Variants in EXOC5 observed in about 807,000 individuals in gnomAD.
EXOC5 encodes SEC10-like 1.
Under a neutral mutation model 90.8 loss-of-function variants are expected in EXOC5, and 17 were observed. That is an observed-to-expected ratio of 0.19 (90% confidence interval 0.13 to 0.28). EXOC5 has a LOEUF of 0.28. Among genes scored for constraint, EXOC5 ranks in the 10% least tolerant of loss-of-function variants. The pLI, the probability that EXOC5 is intolerant of heterozygous loss-of-function variation, is 1.00. For synonymous variants in EXOC5, 260 were observed against 270.0 expected (o/e 0.96, Z 0.36); for missense variants, 569 against 830.6 (o/e 0.69, Z 3.87).
intron 15 of EXOC5, among the ~76,000 whole-genome samples, chr14:57,212,923 C>T (rs1005136833): frequency 5.3e-5 from 8 of 152,140 alleles, no homozygotes; most frequent in African/African-American, 1.9e-4. Flanking sequence ...TCACTTTTAA[C>T]TTTATGCAGT....
chr14:57,235,831 A>C lies in EXOC5; in HGVS notation c.560-11T>G, dbSNP rs764567579. ...AATCATGGTATTTACCTAAAAATAA[A>C]GTCATTCAGCTACACTGAGGCATAC... On this transcript the variant is annotated splice_polypyrimidine_tract_variant and intron_variant, in intron 6 of 17. Transcript: ENST00000621441. 7.0e-7 allele frequency: 1 copy of C among 1,422,600 alleles called. No individual in the cohort carries two copies. Among genetic ancestry groups the C allele is most frequent in the Non-Finnish European group, 9.7e-7 (1 of 1,028,396 alleles). The allele number at this position is 1,422,600 out of a possible 1,614,324, so 88.1% of individuals were successfully genotyped here. A position where few individuals can be genotyped will look rare whatever the true frequency, so the allele number is the denominator to read the frequency against.
intron 12 of EXOC5, among the ~76,000 whole-genome samples, chr14:57,223,521 C>T (rs1409660020): frequency 1.3e-5 from 2 of 151,932 alleles, no homozygotes; most frequent in Non-Finnish European, 2.9e-5. Flanking sequence ...AACCTTTACC[C>T]CTCCCTCATC....
chr14:57,227,395 T>G (rs1444061380), intron 12 of EXOC5, among the ~76,000 whole-genome samples: 1 of 152,228 alleles, frequency 6.6e-6, no homozygotes, highest in African/African-American at 2.4e-5. Context: ...AGTTTTCTAC[T>G]GTATGAAAAA....
intron 13 of EXOC5, among the ~76,000 whole-genome samples, chr14:57,220,764 C>A (rs1406983959): frequency 6.6e-6 from 1 of 152,100 alleles, no homozygotes. Context: ...TATGCCACTG[C>A]ACTCTGGCCT....
At chr14:57,264,001 T>C (rs187759887) in intron 1 of EXOC5, among the ~76,000 whole-genome samples, 47 of 152,210 alleles carry the variant, frequency 3.1e-4, no homozygotes, top group Middle Eastern at 6.8e-3. Flanking sequence ...TTCCTAATAA[T>C]CCCTGGAAAA....
chr14:57,214,494 T>C (rs751340816), intron 15 of EXOC5, among the ~76,000 whole-genome samples: 2 of 152,070 alleles, frequency 1.3e-5, no homozygotes, highest in Admixed American at 6.6e-5. Flanking sequence ...AGGGAACTTA[T>C]GAAGAATGGC....
chr14:57,264,314 A>T (rs536489088), intron 1 of EXOC5, among the ~76,000 whole-genome samples: 23 of 152,214 alleles, frequency 1.5e-4, no homozygotes, highest in Admixed American at 1.4e-3. Context: ...CTAATTGAAC[A>T]AGAGACATCA....
chr14:57,246,742 T>G lies in EXOC5; in HGVS notation c.239A>C (p.Lys80Thr). Residue 80 changes from lysine (K) to threonine (T), a missense_variant, in exon 3 of 18, where the codon AAG (lysine) becomes ACG (threonine). By Grantham distance (78) the Lys-to-Thr change is moderately conservative. Transcript: ENST00000621441. ...QCQKEAKEFA[K>T]KVQELQKSNQ... ...GCTTTTCTGCAGCTCTTGTACCTTC[T>G]TGGCAAATTCCTTGGCTTCTTTCTG... 6.2e-7 allele frequency: 1 copy of G among 1,611,322 alleles called. No individual in the cohort carries two copies. The highest frequency in any genetic ancestry group is 8.5e-7 in the Non-Finnish European group (1 of 1,179,528).
At chr14:57,225,820 T>C (rs907650333) in intron 12 of EXOC5, among the ~76,000 whole-genome samples, 2 of 152,160 alleles carry the variant, frequency 1.3e-5, no homozygotes, top group African/African-American at 2.4e-5. Flanking sequence ...CATCAATCAA[T>C]AGGTGTTATG....
chr14:57,209,735 A>T lies in EXOC5; in HGVS notation c.1770T>A (p.Ile590=). ...CATTCTTCCCATCCATGGAATTTTT[A>T]ATCTTCTCCACTTGTTTTCTTACGT... is the stretch of plus-strand genomic sequence containing the variant. ...CAYVRKQVEK[I]KNSMDGKNVD... The change falls in exon 17 of 18, where the codon ATT becomes ATA. Residue 590 remains isoleucine (I), a synonymous_variant. Coordinates refer to ENST00000621441, the MANE Select transcript of EXOC5 (RefSeq NM_006544.4). 6.2e-7 allele frequency: 1 copy of T among 1,612,764 alleles called. No individual in the cohort carries two copies. The highest frequency in any genetic ancestry group is 8.5e-7 in the Non-Finnish European group (1 of 1,179,308).
chr14:57,200,733 G>C lies in EXOC5; in HGVS notation c.*7876C>G, dbSNP rs1032614569. The C allele has an allele frequency of 2.1e-5, 3 of 142,032 alleles. No homozygotes were observed. The highest frequency in any genetic ancestry group is 4.5e-5 in the Non-Finnish European group (3 of 66,436). 8.8% of individuals were successfully genotyped at this position (142,032 alleles called of 1,614,324 possible). On this transcript the variant is annotated 3_prime_UTR_variant, in exon 18 of 18. Transcript: ENST00000621441. ...AACACTTTACCCCCTCCTCAATTCA[G>C]CTTTACTAATTTGCTCACTACATTA...
chr14:57,254,454 C>G (rs1884287891), intron 1 of EXOC5, among the ~76,000 whole-genome samples: 1 of 151,638 alleles, frequency 6.6e-6, no homozygotes, highest in Non-Finnish European at 1.5e-5. Flanking sequence ...AAAAAAATGC[C>G]CAACATTACT....
At chr14:57,228,638 A>T (rs1274888240) in intron 12 of EXOC5, among the ~76,000 whole-genome samples, 1 of 151,454 alleles carries the variant, frequency 6.6e-6, no homozygotes, top group Non-Finnish European at 1.5e-5. Context: ...CTCACTCATT[A>T]AGTGGGAGTT....
chr14:57,223,419 T>C (rs987786016), intron 12 of EXOC5, among the ~76,000 whole-genome samples: 4 of 152,106 alleles, frequency 2.6e-5, no homozygotes, highest in South Asian at 2.1e-4. Flanking sequence ...TAGAAGTTGA[T>C]AGGAATTCTA....
rs772845960 is a variant in EXOC5, at chr14:57,201,913, ATGTC to A, written c.*6692_*6695del. 6 of 151,996 alleles carry A rather than the reference ATGTC, an allele frequency of 3.9e-5. No homozygotes were observed. Among genetic ancestry groups the A allele is most frequent in the Non-Finnish European group, 8.8e-5 (6 of 67,992 alleles). The allele number at this position is 151,996 out of a possible 1,614,324, so 9.4% of individuals were successfully genotyped here. The stretch of plus-strand genomic sequence containing the variant: ...ATAAATAAATAAGGGGGACCTATAT[ATGTC>A]TGTATCTATTAATATATATCTACCT... On this transcript the variant is annotated 3_prime_UTR_variant, in exon 18 of 18. Transcript: ENST00000621441.
chr14:57,225,565 A>T (rs1252598104), intron 12 of EXOC5, among the ~76,000 whole-genome samples: 5 of 148,732 alleles, frequency 3.4e-5, no homozygotes, highest in Admixed American at 3.3e-4. Context: ...ATGATAATCT[A>T]CACAGAAAAG....
chr14:57,265,956 T>A (rs371733700), intron 1 of EXOC5, among the ~76,000 whole-genome samples: 2 of 152,224 alleles, frequency 1.3e-5, no homozygotes, highest in South Asian at 4.1e-4. Context: ...TATTACTAAA[T>A]CATTTCGGTC....
chr14:57,244,050 A>G (rs1343199867), intron 4 of EXOC5, 115 bp downstream of exon 4: 4 of 672,202 alleles, frequency 6.0e-6, no homozygotes, highest in South Asian at 2.0e-5. Context: ...AAAACTTTTA[A>G]TAAGTCAGCT....
rs1699762797 is a variant in EXOC5 at position 57,203,072 on chromosome 14, A to G, written c.*5537T>C. 6.6e-6 allele frequency: 1 copy of G among 152,188 alleles called. No homozygotes were observed. The highest frequency in any genetic ancestry group is 2.4e-5 in the African/African-American group (1 of 41,454). The allele number at this position is 152,188 out of a possible 1,614,324, so 9.4% of individuals were successfully genotyped here. A position where few individuals can be genotyped will look rare whatever the true frequency, so the allele number is the denominator to read the frequency against. On this transcript the variant is annotated 3_prime_UTR_variant, in exon 18 of 18. Transcript: ENST00000621441. ...CTTCACAGTTTTCTTTACATCCAGC[A>G]TTGTCCAGACTCTATTTGGATATTT... is the stretch of plus-strand genomic sequence containing the variant.
Sources: allele counts gnomAD v4.1 joint callset (sites outside exome capture counted in the v4.1 genomes callset), GRCh38; gene constraint gnomAD v4.1.1; transcripts MANE v1.5; gene names NCBI Gene and HGNC (gene_info 2026-07-23, HGNC 2026-07-21).